Variants in CASP6 observed in about 807,000 individuals in gnomAD.
The protein encoded by CASP6 is caspase-6.
Under a neutral mutation model 31.8 loss-of-function variants are expected in CASP6, and 20 were observed. The ratio of observed to expected loss-of-function variants is 0.63; its 90% CI spans 0.44 to 0.91. The LOEUF is 0.91. CASP6 is among the 40% of genes least tolerant of loss of function. CASP6 has a pLI of 0.00. For synonymous variants in CASP6, 130 were observed against 127.8 expected, an observed-to-expected ratio of 1.02 and a Z score of -0.12; for missense variants, 328 against 361.1, an observed-to-expected ratio of 0.91 and a Z score of 0.74.
At chr4:109,667,846 G>GT in the CASP6 span, among the ~76,000 whole-genome samples, 2 of 150,934 alleles carry the variant, frequency 1.3e-5, no homozygotes, top group African/African-American at 4.9e-5. Context: ...TTGATAAGTT[G>GT]TATTTTCATT....
chr4:109,667,289 A>T, the CASP6 span, among the ~76,000 whole-genome samples: 1 of 151,928 alleles, frequency 6.6e-6, no homozygotes, highest in Non-Finnish European at 1.5e-5. Flanking sequence ...TAGATTGTGT[A>T]TTTCTTTTTG....
At chr4:109,708,520 A>G (rs1730664203), upstream of CASP6, among the ~76,000 whole-genome samples, 1 of 152,026 alleles carries the variant, frequency 6.6e-6, no homozygotes, top group Non-Finnish European at 1.5e-5. Context: ...TCACATTTAC[A>G]CTCTGGCTTT....
the CASP6 span, chr4:109,682,814 A>AT: frequency 1.8e-6 from 2 of 1,137,746 alleles, no homozygotes; most frequent in African/African-American, 3.2e-5. Flanking sequence ...TCATGTGAGC[A>AT]TTTTTCTGAA....
At chr4:109,670,928 C>T in the CASP6 span, among the ~76,000 whole-genome samples, 1,131 of 152,236 alleles carry the variant, frequency 7.4e-3, 27 homozygotes, top group South Asian at 0.06. Flanking sequence ...GAGTTGTCCA[C>T]GCTGAGCCTC....
rs79593601 is a variant in CASP6 at position 109,688,865 on chromosome 4, C to CTT, written c.*463_*464dup. ...ACCCTTTCACCATGGCCAACATGAA[C>CTT]TTTTTTTTTTTTTTTTTAAGGCAGT... On this transcript the variant is annotated 3_prime_UTR_variant, in exon 7 of 7. Coordinates refer to ENST00000265164, the MANE Select transcript of CASP6 (RefSeq NM_001226.4). 12 of 134,348 alleles carry CTT rather than the reference C, an allele frequency of 8.9e-5. No homozygotes were observed. The highest frequency in any genetic ancestry group is 2.4e-4 in the South Asian group (1 of 4,232). The allele number at this position is 134,348 out of a possible 1,614,324, so 8.3% of individuals were successfully genotyped here. A position where few individuals can be genotyped will look rare whatever the true frequency, so the allele number is the denominator to read the frequency against.
intron 2 of CASP6, 98 bp from the exon 3 acceptor site, chr4:109,697,866 C>A: frequency 7.4e-7 from 1 of 1,353,916 alleles, no homozygotes; most frequent in East Asian, 2.4e-5. Flanking sequence ...TCTGAGCTTC[C>A]TCCTTGCCAG....
At chr4:109,679,510 G>A in the CASP6 span, among the ~76,000 whole-genome samples, 1 of 152,160 alleles carries the variant, frequency 6.6e-6, no homozygotes, top group East Asian at 1.9e-4. Flanking sequence ...GTCAGGAGTG[G>A]CAGCACGTGC....
At chr4:109,695,523 G>A (rs3181344) in intron 4 of CASP6, among the ~76,000 whole-genome samples, 13,679 of 152,098 alleles carry the variant, frequency 0.09, 725 homozygotes, top group Middle Eastern at 0.12. Context: ...TTGGGAGGCC[G>A]AGGCAGGTGG....
rs763084294 is a variant in CASP6 at position 109,697,753 on chromosome 4, C to T, written c.99G>A (p.Pro33=). ...TGTGGTCCATTTTGTACTTTTCTGC[C>T]GGATCAAACATTTCTCTGTTAATGA... ...DAFYKREMFD[P]AEKYKMDHRR... is the part of the protein sequence containing the mutation. The change falls in exon 3 of 7, where the codon CCG becomes CCA. Residue 33 remains proline, a synonymous_variant. Coordinates refer to ENST00000265164, the MANE Select transcript of CASP6 (RefSeq NM_001226.4). 47 of 1,612,690 alleles carry T rather than the reference C, an allele frequency of 2.9e-5. No homozygotes were observed. The highest frequency in any genetic ancestry group is 1.9e-4 in the South Asian group (17 of 90,728).
chr4:109,689,550 T>C lies in CASP6; in HGVS notation c.662A>G (p.Glu221Gly). Residue 221 changes from glutamate to glycine, a missense_variant, in exon 7 of 7, where the codon GAA (glutamate) becomes GGA (glycine). Glu to Gly is a moderately conservative substitution (Grantham distance 98, BLOSUM62 -2). Coordinates refer to ENST00000265164, the MANE Select transcript of CASP6 (RefSeq NM_001226.4). ...SVAEGYYSHR[E>G]TVNGSWYIQD... ...AATGTACCATGAGCCGTTCACAGTTTCCCGGTGAGAATAATATCCTAAAAA... is the reference window on the plus strand; with the variant it reads ...AATGTACCATGAGCCGTTCACAGTTCCCCGGTGAGAATAATATCCTAAAAA... 1 of 1,614,108 alleles carries C rather than the reference T, an allele frequency of 6.2e-7. No individual in the cohort carries two copies. Among genetic ancestry groups the C allele is most frequent in the East Asian group, 2.2e-5 (1 of 44,874 alleles).
upstream of CASP6, among the ~76,000 whole-genome samples, chr4:109,706,001 A>AAATAT (rs1730596189): frequency 3.2e-5 from 1 of 31,672 alleles, no homozygotes; most frequent in Non-Finnish European, 5.7e-5. Context: ...AAAAAAAAAA[A>AAATAT]ATATATATAT....
chr4:109,679,404 G>A, the CASP6 span, among the ~76,000 whole-genome samples: 4 of 152,196 alleles, frequency 2.6e-5, no homozygotes, highest in East Asian at 3.9e-4. Flanking sequence ...CCAGCACCTC[G>A]GGAGGCCGAG....
chr4:109,671,525 G>A, the CASP6 span, among the ~76,000 whole-genome samples: 2 of 152,032 alleles, frequency 1.3e-5, no homozygotes, highest in East Asian at 3.9e-4. Context: ...GCCCATCAAA[G>A]GCATTCTTCA....
the CASP6 span, among the ~76,000 whole-genome samples, chr4:109,671,997 G>A: frequency 5.3e-5 from 8 of 152,120 alleles, no homozygotes; most frequent in East Asian, 1.2e-3. Context: ...AATAGAATCT[G>A]TGCCTTGTAT....
the CASP6 span, among the ~76,000 whole-genome samples, chr4:109,675,655 T>TC: frequency 5.9e-5 from 9 of 152,212 alleles, no homozygotes; most frequent in Non-Finnish European, 1.0e-4. Flanking sequence ...GGAAACTTGA[T>TC]CCCCAGTGTT....
the CASP6 span, chr4:109,674,030 T>G: frequency 1.5e-6 from 2 of 1,292,648 alleles, no homozygotes; most frequent in Non-Finnish European, 2.2e-6. Context: ...CTGATCCACA[T>G]GCGTGTGGTA....
At chr4:109,702,357 TCTCA>T (rs1157910734) in intron 1 of CASP6, among the ~76,000 whole-genome samples, 1 of 141,816 alleles carries the variant, frequency 7.1e-6, no homozygotes, top group Admixed American at 7.2e-5. Context: ...TGATTCGAAG[TCTCA>T]CTCTGTCGCC....
intron 5 of CASP6, among the ~76,000 whole-genome samples, chr4:109,691,570 ATTAAAT>A (rs574475227): frequency 1.7e-3 from 258 of 152,250 alleles, no homozygotes; most frequent in African/African-American, 6.0e-3. Context: ...CAGAATTTAC[ATTAAAT>A]TTAGACTCAT....
intron 5 of CASP6, chr4:109,692,190 GCAGGCT>G (rs1352599199): frequency 6.6e-6 from 1 of 152,178 alleles, no homozygotes; most frequent in Non-Finnish European, 1.5e-5. Context: ...CTTCGTATCA[GCAGGCT>G]TATTTTCAGG....
Sources: gnomAD v4.1 joint callset for allele counts (sites outside exome capture counted in the v4.1 genomes callset) on GRCh38, gnomAD v4.1.1 for gene constraint, MANE v1.5 for transcripts, NCBI Gene and HGNC (gene_info 2026-07-23, HGNC 2026-07-21) for gene names.